GCNT2: variants seen among roughly 807,000 people sequenced by gnomAD.
GCNT2 encodes N-acetyllactosaminide beta-1,6-N-acetylglucosaminyl-transferase.
Under a neutral mutation model 34.2 loss-of-function variants are expected in GCNT2, and 34 were observed. The ratio of observed to expected loss-of-function variants is 1.00; its 90% CI spans 0.76 to 1.32. The LOEUF is 1.32. Among genes scored for constraint, GCNT2 ranks in the 40% most tolerant of loss-of-function variants. The probability of loss-of-function intolerance (pLI) is 0.00; values close to 1 mark genes in which losing one functional copy is unlikely to be tolerated. For missense variants in GCNT2, 584 were observed against 489.4 expected, an observed-to-expected ratio of 1.19 and a Z score of -1.82; for synonymous variants, 212 against 188.0, an observed-to-expected ratio of 1.13 and a Z score of -1.04.
chr6:10,617,698 T>C (rs1291389791), intron 3 of GCNT2, among the ~76,000 whole-genome samples: 1 of 151,276 alleles, frequency 6.6e-6, no homozygotes, highest in Non-Finnish European at 1.5e-5. Context: ...CCTCCCAAAG[T>C]GCTGGGACCA....
intron 3 of GCNT2, among the ~76,000 whole-genome samples, chr6:10,546,198 C>T (rs1316154761): frequency 6.6e-6 from 1 of 152,106 alleles, no homozygotes; most frequent in African/African-American, 2.4e-5. Context: ...CAGTTGAAGC[C>T]GTTTGGCCAG....
chr6:10,526,793 ACTAT>A (rs1193970061), intron 1 of GCNT2, among the ~76,000 whole-genome samples: 2 of 152,142 alleles, frequency 1.3e-5, no homozygotes, highest in African/African-American at 2.4e-5. Context: ...GTGTTTAGAA[ACTAT>A]CTACGATATT....
chr6:10,613,133 TC>T (rs1216609508), intron 3 of GCNT2, among the ~76,000 whole-genome samples: 1 of 152,186 alleles, frequency 6.6e-6, no homozygotes, highest in Non-Finnish European at 1.5e-5. Context: ...CAGATAGTTC[TC>T]CCAAAATGAG....
At chr6:10,587,933 A>C (rs1275063016) in intron 3 of GCNT2, among the ~76,000 whole-genome samples, 1 of 152,152 alleles carries the variant, frequency 6.6e-6, no homozygotes, top group Non-Finnish European at 1.5e-5. Context: ...CCACACATAC[A>C]TACACACCTG....
chr6:10,619,351 T>TAA (rs1019546059), intron 3 of GCNT2: 6 of 147,972 alleles, frequency 4.1e-5, no homozygotes, highest in Non-Finnish European at 7.5e-5. Flanking sequence ...TTGGCTAATT[T>TAA]AAAAAAAAAA....
chr6:10,531,328 G>A lies in GCNT2; in HGVS notation c.925+1492G>A, dbSNP rs572005126. 8.8e-4 allele frequency among the ~76,000 whole-genome samples: 134 copies of A among 152,290 alleles called. 1 individual carries two copies. The highest frequency in any genetic ancestry group is 2.8e-3 in the African/African-American group (118 of 41,562). ...GTCCTGCTAGTTCAATTCAAAATAAGAATTCATATTTGCAGTTCAAAGGAA... is the reference window on the plus strand; with the variant it reads ...GTCCTGCTAGTTCAATTCAAAATAAAAATTCATATTTGCAGTTCAAAGGAA... On this transcript the variant is annotated intron_variant, in intron 3 of 4. Transcript: ENST00000495262.
At chr6:10,542,309 A>G (rs1762070872) in intron 3 of GCNT2, among the ~76,000 whole-genome samples, 1 of 152,122 alleles carries the variant, frequency 6.6e-6, no homozygotes, top group Non-Finnish European at 1.5e-5. Context: ...TACGCACTAA[A>G]CTAATTGCCT....
intron 3 of GCNT2, among the ~76,000 whole-genome samples, chr6:10,618,686 C>G (rs1765898316): frequency 6.6e-6 from 1 of 152,212 alleles, no homozygotes; most frequent in South Asian, 2.1e-4. Context: ...CATCCCACAG[C>G]TTCACCGGAC....
chr6:10,591,842 T>C (rs948999092), intron 3 of GCNT2, among the ~76,000 whole-genome samples: 2 of 152,210 alleles, frequency 1.3e-5, no homozygotes, highest in African/African-American at 4.8e-5. Context: ...TCTCTCCAGC[T>C]CTCAACAACT....
In GCNT2 at chr6:10,529,573, C is replaced by T. The variant is rs540411690; in HGVS notation, c.662C>T (p.Pro221Leu). Residue 221 changes from proline to leucine, a missense_variant, in exon 3 of 5, where the codon CCT (proline) becomes CTT (leucine). Coordinates refer to ENST00000495262, the MANE Select transcript of GCNT2 (RefSeq NM_145649.5). ...AAAAATATCACCCCCGGAGTGCTGC[C>T]TCCTGACCACGCTGTTGGACGGACT... ...KGKNITPGVLPPDHAVGRTKY... is the reference protein window; with the variant it reads ...KGKNITPGVLLPDHAVGRTKY... The T allele has an allele frequency of 1.9e-6, 3 of 1,614,160 alleles. No homozygotes were observed. Among genetic ancestry groups the T allele is most frequent in the East Asian group, 4.5e-5 (2 of 44,888 alleles).
At chr6:10,598,319 G>A (rs967444434) in intron 3 of GCNT2, among the ~76,000 whole-genome samples, 1 of 152,114 alleles carries the variant, frequency 6.6e-6, no homozygotes, top group Non-Finnish European at 1.5e-5. Context: ...GACTATGGGG[G>A]TATATCTCCC....
intron 3 of GCNT2, among the ~76,000 whole-genome samples, chr6:10,540,685 C>T (rs138009592): frequency 6.6e-6 from 1 of 152,188 alleles, no homozygotes; most frequent in Admixed American, 6.5e-5. Context: ...GAAGAGAAAT[C>T]GTCTGCATGT....
At position 10,549,235 on chromosome 6, in the gene GCNT2, T is replaced by G. The variant is rs1318464482; in HGVS notation, c.925+19399T>G. Among the ~76,000 whole-genome samples the G allele has an allele frequency of 5.9e-5, 9 of 152,308 alleles. No homozygotes were observed. The East Asian group carries it at 1.7e-3, about 29-fold the overall frequency. On this transcript the variant is annotated intron_variant, in intron 3 of 4. Transcript: ENST00000495262. ...CCCAAAATGCCAATAGTGCCCACGC[T>G]GAGAAACCCTGCTCTATAGTAACTG...
intron 3 of GCNT2, among the ~76,000 whole-genome samples, chr6:10,576,686 GGAGA>G (rs568786016): frequency 6.6e-5 from 10 of 151,270 alleles, no homozygotes; most frequent in South Asian, 2.1e-4. Flanking sequence ...AGAGATTTGG[GGAGA>G]GAGAGAGACA....
intron 3 of GCNT2, among the ~76,000 whole-genome samples, chr6:10,572,755 TAAA>T: frequency 6.6e-6 from 1 of 151,902 alleles, no homozygotes; most frequent in Non-Finnish European, 1.5e-5. Flanking sequence ...AAAATAAAAA[TAAA>T]AAATAAAAGG....
At chr6:10,542,297 G>C (rs1762070248) in intron 3 of GCNT2, among the ~76,000 whole-genome samples, 1 of 152,086 alleles carries the variant, frequency 6.6e-6, no homozygotes, top group Non-Finnish European at 1.5e-5. Context: ...TTCTTACACT[G>C]CTACGCACTA....
chr6:10,565,637 C>T (rs956742712), intron 3 of GCNT2, among the ~76,000 whole-genome samples: 1 of 152,200 alleles, frequency 6.6e-6, no homozygotes, highest in Admixed American at 6.5e-5. Flanking sequence ...GTTGCCTTTT[C>T]GCAATGTATC....
In GCNT2 at chr6:10,583,369, C is replaced by T. The variant is rs527505081; in HGVS notation, c.926-37982C>T. Among the ~76,000 whole-genome samples the T allele has an allele frequency of 5.3e-5, 8 of 152,122 alleles. No individual in the cohort carries two copies. The South Asian group carries it at 8.3e-4, about 16-fold the overall frequency. On this transcript the variant is annotated intron_variant, in intron 3 of 4. Transcript: ENST00000495262. The stretch of plus-strand genomic sequence containing the variant: ...CAGCTGTTCCAACTGGCACAAGCCC[C>T]GGCAGGTACGATTGCTAGGTGACTA...
intron 3 of GCNT2, among the ~76,000 whole-genome samples, chr6:10,565,728 C>A (rs1179495136): frequency 6.6e-6 from 1 of 152,144 alleles, no homozygotes; most frequent in Non-Finnish European, 1.5e-5. Context: ...CTTTTCCCCC[C>A]ACACCACCGG....
Sources: allele counts gnomAD v4.1 joint callset (sites outside exome capture counted in the v4.1 genomes callset), GRCh38; gene constraint gnomAD v4.1.1; transcripts MANE v1.5; gene names NCBI Gene and HGNC (gene_info 2026-07-23, HGNC 2026-07-21).